The following TSHR variants were observed in gnomAD, a reference collection of about 807,000 sequenced individuals.
TSHR encodes thyrotropin receptor.
TSHR carries 51 observed loss-of-function variants against 64.1 expected under a neutral mutation model. The ratio of observed to expected loss-of-function variants is 0.80; its 90% CI spans 0.64 to 1.01. The LOEUF (loss-of-function observed/expected upper bound fraction) is 1.01, where lower values mean the gene tolerates loss of function less well. TSHR is among the 50% of genes least tolerant of loss of function. The pLI is 0.00. For missense variants in TSHR, 877 were observed against 942.8 expected (o/e 0.93, Z 0.91); for synonymous variants, 361 against 361.9 (o/e 1.00, Z 0.03).
chr14:80,956,635 A>C (rs1386273354), intron 1 of TSHR, among the ~76,000 whole-genome samples: 1 of 152,202 alleles, frequency 6.6e-6, no homozygotes, highest in African/African-American at 2.4e-5. Flanking sequence ...AAGAGAACAG[A>C]AAGAAAGGAC....
At chr14:81,085,632 C>G (rs2139960690) in intron 3 of TSHR, among the ~76,000 whole-genome samples, 1 of 152,298 alleles carries the variant, frequency 6.6e-6, no homozygotes, top group East Asian at 1.9e-4. Flanking sequence ...TTTCAGCTGA[C>G]CCAGGTGGGC....
intron 1 of TSHR, among the ~76,000 whole-genome samples, chr14:81,005,651 G>A (rs1310356622): frequency 6.6e-6 from 1 of 152,176 alleles, no homozygotes. Context: ...AGCATTTGCA[G>A]TTTTGAGATG....
At chr14:81,032,678 T>A in intron 1 of TSHR, 1 of 431,694 alleles carries the variant, frequency 2.3e-6, no homozygotes, top group Non-Finnish European at 4.6e-6. Context: ...TAATCTCTCC[T>A]GTTGGTGATG....
chr14:81,001,026 T>TC (rs1323322254), intron 1 of TSHR: 1 of 152,562 alleles, frequency 6.6e-6, no homozygotes, highest in Non-Finnish European at 1.5e-5. Flanking sequence ...AAGGGAAAGA[T>TC]GGTGAGGTAG....
chr14:81,007,182 T>A (rs1767135300), intron 1 of TSHR, among the ~76,000 whole-genome samples: 1 of 152,224 alleles, frequency 6.6e-6, no homozygotes, highest in African/African-American at 2.4e-5. Flanking sequence ...TCATGAGGAT[T>A]AGTGTCCTAT....
intron 3 of TSHR, among the ~76,000 whole-genome samples, chr14:81,079,937 TTTTGTTTG>T (rs36136362): frequency 4.0e-4 from 60 of 149,862 alleles, no homozygotes; most frequent in African/African-American, 7.1e-4. Flanking sequence ...AGTTTTTGGG[TTTTGTTTG>T]TTTGTTTGTT....
At position 80,955,639 on chromosome 14, in the gene TSHR, C is replaced by G. The variant is rs199811084; in HGVS notation, c.-42C>G. 2.5e-6 allele frequency: 4 copies of G among 1,611,322 alleles called. No individual in the cohort carries two copies. The African/African-American group carries it at 5.3e-5, about 22-fold the overall frequency. On this transcript the variant is annotated 5_prime_UTR_variant, in exon 1 of 10. Coordinates refer to ENST00000298171, the MANE Select transcript of TSHR (RefSeq NM_000369.5). ...CCGAGGTGCAGAGCTGAGAATGAGG[C>G]GATTTCGGAGGATGGAGAAATAGCC...
intron 1 of TSHR, among the ~76,000 whole-genome samples, chr14:81,007,850 A>G (rs1889682239): frequency 6.6e-6 from 1 of 152,254 alleles, no homozygotes; most frequent in Admixed American, 6.5e-5. Flanking sequence ...GAGCAGGATC[A>G]CTTAGGTTCA....
chr14:80,964,685 G>A (rs1160950710), intron 1 of TSHR, among the ~76,000 whole-genome samples: 1 of 152,182 alleles, frequency 6.6e-6, no homozygotes, highest in Non-Finnish European at 1.5e-5. Flanking sequence ...ATCTTCAAAG[G>A]TGTCCTTGAC....
intron 1 of TSHR, among the ~76,000 whole-genome samples, chr14:81,021,526 G>A (rs1337982421): frequency 2.6e-5 from 4 of 152,188 alleles, no homozygotes; most frequent in Non-Finnish European, 4.4e-5. Context: ...CAGTAGGCAG[G>A]GAAAGAAGGA....
In TSHR at chr14:81,091,081, C is replaced by A. The variant is rs752457613; in HGVS notation, c.405C>A (p.Asn135Lys). The A allele has an allele frequency of 3.7e-6, 6 of 1,611,742 alleles. No homozygotes were observed. Among genetic ancestry groups the A allele is most frequent in the Non-Finnish European group, 5.1e-6 (6 of 1,179,696 alleles). The change falls in exon 5 of 10, where the codon AAC (asparagine) becomes AAA (lysine). Residue 135 changes from asparagine (N) to lysine (K), a missense_variant. Asn to Lys is a moderately conservative substitution (Grantham distance 94). Transcript: ENST00000298171. ...TTCATTAATTTAGTGGCATTTTCAACACTGGACTTAAAATGTTCCCTGACC... is the reference window on the plus strand; with the variant it reads ...TTCATTAATTTAGTGGCATTTTCAAAACTGGACTTAAAATGTTCCCTGACC... ...LPLLKFLGIF[N>K]TGLKMFPDLT...
intron 1 of TSHR, among the ~76,000 whole-genome samples, chr14:81,027,599 C>T (rs1884135711): frequency 1.3e-5 from 2 of 152,150 alleles, no homozygotes; most frequent in East Asian, 3.9e-4. Context: ...AAATTATATA[C>T]CCAGACACAC....
At chr14:81,012,355 C>G (rs1370485941) in intron 1 of TSHR, 15 of 151,342 alleles carry the variant, frequency 9.9e-5, no homozygotes, top group East Asian at 5.8e-4. Context: ...GGACATTTGG[C>G]TTGGTTCCAA....
At chr14:81,132,819 T>C (rs1186524884) in intron 8 of TSHR, among the ~76,000 whole-genome samples, 1 of 151,224 alleles carries the variant, frequency 6.6e-6, no homozygotes, top group Non-Finnish European at 1.5e-5. Flanking sequence ...GACCCCTTCA[T>C]CACCCATAAC....
At chr14:81,048,043 C>G (rs1885254314) in intron 1 of TSHR, among the ~76,000 whole-genome samples, 1 of 152,168 alleles carries the variant, frequency 6.6e-6, no homozygotes. Flanking sequence ...TCCTGACATT[C>G]ACTCAGGACT....
At chr14:81,101,560 G>C (rs1271916165) in intron 7 of TSHR, among the ~76,000 whole-genome samples, 1 of 152,132 alleles carries the variant, frequency 6.6e-6, no homozygotes, top group Non-Finnish European at 1.5e-5. Flanking sequence ...ATTTAAGGTA[G>C]GTTAATAAAA....
chr14:80,997,293 A>C, intron 1 of TSHR, among the ~76,000 whole-genome samples: 1 of 152,230 alleles, frequency 6.6e-6, no homozygotes. Context: ...AAGCACTTTA[A>C]CCTTTATCAT....
chr14:80,988,347 A>G (rs532052916), intron 1 of TSHR, among the ~76,000 whole-genome samples: 18 of 152,294 alleles, frequency 1.2e-4, no homozygotes, highest in Non-Finnish European at 2.5e-4. Context: ...CAATTATGGC[A>G]GAAGGTGAAG....
Position 81,139,668 on chromosome 14 carries a change from C to T in TSHR, c.693-11C>T, listed in dbSNP as rs756138324. On this transcript the variant is annotated splice_polypyrimidine_tract_variant and intron_variant, in intron 8 of 9. Transcript: ENST00000298171. ...CTGCCTCTCTGCATTTTTCTGTTCT[C>T]TGCCTCCCAGGGACGTGTCTCAAAC... is the stretch of plus-strand genomic sequence containing the variant. The T allele has an allele frequency of 3.1e-6, 5 of 1,613,794 alleles. No homozygotes were observed. Among genetic ancestry groups the T allele is most frequent in the Non-Finnish European group, 4.2e-6 (5 of 1,180,028 alleles).
Sources: allele counts gnomAD v4.1 joint callset (sites outside exome capture counted in the v4.1 genomes callset), GRCh38; gene constraint gnomAD v4.1.1; transcripts MANE v1.5; gene names NCBI Gene and HGNC (gene_info 2026-07-23, HGNC 2026-07-21).